Variants in PLA2G4A observed in about 807,000 individuals in gnomAD.
PLA2G4A encodes the protein cytosolic phospholipase A2.
PLA2G4A carries 40 observed loss-of-function variants against 81.9 expected under a neutral mutation model. The ratio of observed to expected loss-of-function variants is 0.49; its 90% CI spans 0.38 to 0.64. The LOEUF (loss-of-function observed/expected upper bound fraction) is 0.64, where lower values mean the gene tolerates loss of function less well. Ranked by LOEUF, PLA2G4A falls within the 30% of genes least tolerant of loss-of-function variation. The pLI is 0.00. For missense variants in PLA2G4A, 715 were observed against 905.1 expected (o/e 0.79, Z 2.69); for synonymous variants, 302 against 296.9 (o/e 1.02, Z -0.18).
At chr1:186,841,835 C>T (rs757051190) in intron 1 of PLA2G4A, among the ~76,000 whole-genome samples, 1 of 152,080 alleles carries the variant, frequency 6.6e-6, no homozygotes, top group Non-Finnish European at 1.5e-5. Flanking sequence ...TTAAGATGGA[C>T]AGGTTTATCT....
At chr1:186,830,373 C>A (rs1386954309) in intron 1 of PLA2G4A, among the ~76,000 whole-genome samples, 12 of 151,722 alleles carry the variant, frequency 7.9e-5, no homozygotes. Context: ...TTTGGGAGGC[C>A]GAGGCGGGTG....
At chr1:186,858,016 T>A (rs974020808) in intron 2 of PLA2G4A, among the ~76,000 whole-genome samples, 7 of 152,146 alleles carry the variant, frequency 4.6e-5, no homozygotes, top group Admixed American at 4.6e-4. Flanking sequence ...TTGGTGAACA[T>A]TTGAGTTGGT....
At chr1:186,931,420 G>A (rs1462749421) in intron 7 of PLA2G4A, among the ~76,000 whole-genome samples, 2 of 151,938 alleles carry the variant, frequency 1.3e-5, no homozygotes, top group Non-Finnish European at 2.9e-5. Context: ...TCTGGGTTAG[G>A]AATTTAGTCC....
At chr1:186,957,978 A>G (rs1656813189) in intron 14 of PLA2G4A, among the ~76,000 whole-genome samples, 1 of 152,212 alleles carries the variant, frequency 6.6e-6, no homozygotes, top group East Asian at 1.9e-4. Context: ...AAATTTTTCT[A>G]CTGCCTTTTG....
rs995457752 is a variant in PLA2G4A at position 186,932,897 on chromosome 1, C to G, written c.693C>G (p.Thr231=). ...ACGTTGCTGGTCTTTCTGGCTCCAC[C>G]TGGTTAGTATACATTTTTAATTTTA... is the stretch of plus-strand genomic sequence containing the variant. ...ATYVAGLSGS[T]WYMSTLYSHP... is the part of the protein sequence containing the mutation. The change falls in exon 8 of 18, where the codon ACC becomes ACG. Residue 231 remains threonine (T), a splice_region_variant and synonymous_variant. Transcript: ENST00000367466. 3.1e-6 allele frequency: 5 copies of G among 1,606,946 alleles called. No homozygotes were observed. The highest frequency in any genetic ancestry group is 3.4e-6 in the Non-Finnish European group (4 of 1,173,604).
chr1:186,847,684 G>A (rs1180525276), intron 1 of PLA2G4A, among the ~76,000 whole-genome samples: 1 of 152,104 alleles, frequency 6.6e-6, no homozygotes, highest in Non-Finnish European at 1.5e-5. Context: ...TAGTAGAGAT[G>A]TGGGAAGAGC....
At chr1:186,879,710 TC>T (rs1653653948) in intron 3 of PLA2G4A, among the ~76,000 whole-genome samples, 2 of 151,904 alleles carry the variant, frequency 1.3e-5, no homozygotes, top group South Asian at 4.1e-4. Flanking sequence ...TAAACAAAAA[TC>T]CTAAGCAAAC....
intron 3 of PLA2G4A, among the ~76,000 whole-genome samples, chr1:186,881,583 C>T (rs10911943): frequency 0.076 from 11,500 of 152,150 alleles, 540 homozygotes; most frequent in African/African-American, 0.12. Context: ...TCCTGTGGCA[C>T]TCTGCCTATT....
intron 15 of PLA2G4A, among the ~76,000 whole-genome samples, chr1:186,976,216 G>A (rs968310373): frequency 2.0e-5 from 3 of 152,100 alleles, no homozygotes; most frequent in Non-Finnish European, 2.9e-5. Context: ...ATGGAACCTA[G>A]TCGACCACTA....
At chr1:186,870,729 G>A (rs7547993) in intron 3 of PLA2G4A, 332,486 of 1,545,860 alleles carry the variant, frequency 0.22, 37,371 homozygotes, top group Middle Eastern at 0.3. Flanking sequence ...GACAAAGGGG[G>A]CCTTTGGTGA....
At chr1:186,975,031 C>T (rs983052089) in intron 15 of PLA2G4A, among the ~76,000 whole-genome samples, 2 of 152,182 alleles carry the variant, frequency 1.3e-5, no homozygotes, top group African/African-American at 2.4e-5. Context: ...TGGTCATACC[C>T]TTGAGTCATG....
At chr1:186,861,729 T>A (rs1309141219) in intron 2 of PLA2G4A, among the ~76,000 whole-genome samples, 1 of 152,080 alleles carries the variant, frequency 6.6e-6, no homozygotes, top group Non-Finnish European at 1.5e-5. Flanking sequence ...AATTCTAATG[T>A]TGGAGTCTGG....
At chr1:186,965,337 C>A (rs924910797) in intron 14 of PLA2G4A, 72 bp from the exon 15 acceptor site, 2 of 1,197,404 alleles carry the variant, frequency 1.7e-6, no homozygotes, top group Non-Finnish European at 2.4e-6. Context: ...AATTTGAAAC[C>A]AACATTTTTA....
chr1:186,870,852 T>C lies in PLA2G4A; in HGVS notation c.115+336T>C. 5 of 642,984 alleles carry C rather than the reference T, an allele frequency of 7.8e-6. No homozygotes were observed. In the South Asian group the frequency reaches 7.9e-5, roughly 10 times the overall value. The allele number at this position is 642,984 out of a possible 1,614,324, so 39.8% of individuals were successfully genotyped here. ...AGGTTCTGCCTTCTTCAAATGTGGT[T>C]ATGTTTGTCTGGATCTTTGAACGAT... is the stretch of plus-strand genomic sequence containing the variant. On this transcript the variant is annotated intron_variant, in intron 3 of 17. Transcript: ENST00000367466.
intron 1 of PLA2G4A, among the ~76,000 whole-genome samples, chr1:186,833,958 T>A (rs1418282291): frequency 6.6e-6 from 1 of 152,164 alleles, no homozygotes; most frequent in African/African-American, 2.4e-5. Flanking sequence ...TCCCACTCCT[T>A]TTTTGGCACA....
intron 2 of PLA2G4A, among the ~76,000 whole-genome samples, chr1:186,862,985 A>G (rs1263735695): frequency 3.9e-5 from 6 of 152,232 alleles, no homozygotes; most frequent in Admixed American, 3.3e-4. Flanking sequence ...TTGGACTAGA[A>G]TCTATATTAC....
At chr1:186,944,960 A>G (rs941772844) in intron 10 of PLA2G4A, among the ~76,000 whole-genome samples, 4 of 152,204 alleles carry the variant, frequency 2.6e-5, no homozygotes, top group Non-Finnish European at 4.4e-5. Flanking sequence ...ATGAGTAACA[A>G]AGAAGCTTAT....
chr1:186,927,570 A>C (rs1655592397), intron 7 of PLA2G4A, among the ~76,000 whole-genome samples: 1 of 152,218 alleles, frequency 6.6e-6, no homozygotes, highest in African/African-American at 2.4e-5. Flanking sequence ...AGAGAAGAAA[A>C]GATTCTTCTT....
At chr1:186,985,956 G>A (rs1374282339) in intron 17 of PLA2G4A, among the ~76,000 whole-genome samples, 1 of 152,152 alleles carries the variant, frequency 6.6e-6, no homozygotes, top group African/African-American at 2.4e-5. Flanking sequence ...GATGCCAAAA[G>A]GTTTGAATTT....
Sources: gnomAD v4.1 joint callset for allele counts (sites outside exome capture counted in the v4.1 genomes callset) on GRCh38, gnomAD v4.1.1 for gene constraint, MANE v1.5 for transcripts, NCBI Gene and HGNC (gene_info 2026-07-23, HGNC 2026-07-21) for gene names.